MOV10L1: variants seen among roughly 807,000 people sequenced by gnomAD.
MOV10L1 encodes Mov10 like RNA helicase 1.
In MOV10L1, 110 loss-of-function variants were observed where a neutral mutation model predicts 143.8. The ratio of observed to expected loss-of-function variants is 0.76; its 90% CI spans 0.66 to 0.90. The LOEUF is 0.90. MOV10L1 is among the 40% of genes least tolerant of loss of function. The probability of loss-of-function intolerance (pLI) is 0.00; values close to 1 mark genes in which losing one functional copy is unlikely to be tolerated. For missense variants in MOV10L1, 1,406 were observed against 1,526.8 expected (o/e 0.92, Z 1.32); for synonymous variants, 593 against 581.1 (o/e 1.02, Z -0.29).
chr22:50,160,902 G>T, intron 25 of MOV10L1, 62 bp from the exon 26 acceptor site: 1 of 1,613,136 alleles, frequency 6.2e-7, no homozygotes. Context: ...AGACGTACGA[G>T]GCACCAGGAG....
At chr22:50,092,603 A>T (rs934915553) in intron 2 of MOV10L1, 1 of 167,804 alleles carries the variant, frequency 6.0e-6, no homozygotes, top group African/African-American at 2.4e-5. Context: ...GCACTACCAC[A>T]CTCCAGCCTG....
chr22:50,160,758 T>A lies in MOV10L1; in HGVS notation c.3395T>A (p.Phe1132Tyr). 1 of 1,614,124 alleles carries A rather than the reference T, an allele frequency of 6.2e-7. No individual in the cohort carries two copies. The highest frequency in any genetic ancestry group is 8.5e-7 in the Non-Finnish European group (1 of 1,180,008). ...FLGFLSNSKR[F>Y]NVAITRPKAL... ...GGTTTCTTGTCCAACTCAAAAAGAT[T>A]TAATGTTGCAATCACCAGACCCAAA... is the stretch of plus-strand genomic sequence containing the variant. Residue 1132 changes from phenylalanine to tyrosine, a missense_variant, in exon 25 of 27, where the codon TTT becomes TAT. Transcript: ENST00000262794.
At chr22:50,099,233 G>A (rs981115327) in intron 2 of MOV10L1, among the ~76,000 whole-genome samples, 1 of 152,218 alleles carries the variant, frequency 6.6e-6, no homozygotes, top group African/African-American at 2.4e-5. Context: ...ACATACCCCA[G>A]AGAACCCCTT....
chr22:50,117,328 A>C lies in MOV10L1; in HGVS notation c.1431A>C (p.Thr477=). The change falls in exon 9 of 27, where the codon ACA becomes ACC. Residue 477 remains threonine, a synonymous_variant. Transcript: ENST00000262794. ...SSQALTSAKT[T]VVVTAQKRNS... is the part of the protein sequence containing the mutation. ...AAGCGTTAACATCCGCAAAAACTAC[A>C]GTTGTTGTGACCGCACAGAAAAGGT... 6.2e-7 allele frequency: 1 copy of C among 1,614,018 alleles called. No individual in the cohort carries two copies. Among genetic ancestry groups the C allele is most frequent in the Non-Finnish European group, 8.5e-7 (1 of 1,179,986 alleles).
At position 50,158,092 on chromosome 22, in the gene MOV10L1, G is replaced by A. The variant is rs1289724262; in HGVS notation, c.3102G>A (p.Trp1034Ter). The A allele has an allele frequency of 6.2e-7, 1 of 1,614,120 alleles. No individual in the cohort carries two copies. The highest frequency in any genetic ancestry group is 8.5e-7 in the Non-Finnish European group (1 of 1,180,006). Residue 1034 changes from tryptophan to a stop codon, truncating the protein, a stop_gained, in exon 23 of 27, where the codon TGG becomes TGA. Coordinates refer to ENST00000262794, the MANE Select transcript of MOV10L1 (RefSeq NM_018995.3). LOFTEE classifies it high-confidence loss of function. The surrounding 1 kb of genome is among the most constrained non-coding windows in gnomAD (Gnocchi z 5.0). ...CACGGGAGGGAAAAAGCCCATCGTGGTTCAACCCGGCCGAGGCCGTCCAGG... is the reference window on the plus strand; with the variant it reads ...CACGGGAGGGAAAAAGCCCATCGTGATTCAACCCGGCCGAGGCCGTCCAGG... Reference protein sequence around the residue: ...SEAREGKSPSWFNPAEAVQVL... With the variant: ...SEAREGKSPS
At chr22:50,128,375 T>A in intron 12 of MOV10L1, 41 bp from the exon 13 acceptor site, 1 of 1,128,360 alleles carries the variant, frequency 8.9e-7, no homozygotes, top group South Asian at 1.3e-5. Flanking sequence ...AGATATCACA[T>A]TATTTCAAGA....
In MOV10L1 at chr22:50,156,640, C is replaced by T. The variant is rs114400858; in HGVS notation, c.3067-1417C>T. On this transcript the variant is annotated intron_variant, in intron 22 of 26. Coordinates refer to ENST00000262794, the MANE Select transcript of MOV10L1 (RefSeq NM_018995.3). ...CATGGAGTGTTTGTCCTTCTGTGACCGGCTTATTGCACTGAGCATCATGTC... is the reference window on the plus strand; with the variant it reads ...CATGGAGTGTTTGTCCTTCTGTGACTGGCTTATTGCACTGAGCATCATGTC... 4.4e-3 allele frequency among the ~76,000 whole-genome samples: 675 copies of T among 152,188 alleles called. 8 individuals are homozygous for T. Among genetic ancestry groups the T allele is most frequent in the African/African-American group, 0.015 (634 of 41,506 alleles).
At chr22:50,102,232 T>C (rs1470205685) in intron 3 of MOV10L1, among the ~76,000 whole-genome samples, 1 of 152,170 alleles carries the variant, frequency 6.6e-6, no homozygotes, top group Admixed American at 6.5e-5. Flanking sequence ...CAAAAGAACT[T>C]TTTTGAAAGA....
Position 50,120,519 on chromosome 22 carries a change from T to C in MOV10L1, c.1472T>C (p.Leu491Pro). ...TAQKRNSRRQ[L>P]PSFLPQYPIP... ...TTTTTAAGGAACTCAAGACGACAACTTCCAAGTTTTCTTCCCCAATATCCA... is the reference window on the plus strand; with the variant it reads ...TTTTTAAGGAACTCAAGACGACAACCTCCAAGTTTTCTTCCCCAATATCCA... The change falls in exon 10 of 27, where the codon CTT becomes CCT. Residue 491 changes from leucine (L) to proline (P), a missense_variant. By Grantham distance (98) the Leu-to-Pro change is moderately conservative (BLOSUM62 -3). Coordinates refer to ENST00000262794, the MANE Select transcript of MOV10L1 (RefSeq NM_018995.3). The C allele has an allele frequency of 1.9e-6, 3 of 1,611,240 alleles. No individual in the cohort carries two copies. Among genetic ancestry groups the C allele is most frequent in the Non-Finnish European group, 1.7e-6 (2 of 1,178,570 alleles).
intron 3 of MOV10L1, among the ~76,000 whole-genome samples, chr22:50,101,396 T>G (rs945526022): frequency 3.9e-5 from 6 of 151,978 alleles, no homozygotes; most frequent in Non-Finnish European, 8.8e-5. Flanking sequence ...TTTGTATTTT[T>G]AGTAGAGACG....
intron 13 of MOV10L1, among the ~76,000 whole-genome samples, chr22:50,131,062 AATT>A (rs2062661746): frequency 1.2e-5 from 1 of 85,234 alleles, no homozygotes. Flanking sequence ...ACGCCCGGCT[AATT>A]TTTTTTTTTT....
chr22:50,134,663 G>A (rs756624600), intron 15 of MOV10L1, 33 bp downstream of exon 15: 1 of 1,591,692 alleles, frequency 6.3e-7, no homozygotes, highest in Non-Finnish European at 8.6e-7. Context: ...TCTCTACACA[G>A]GGGATGGCTC....
chr22:50,090,586 C>T (rs2062406342), intron 1 of MOV10L1: 3 of 1,530,450 alleles, frequency 2.0e-6, no homozygotes, highest in Non-Finnish European at 2.7e-6. Flanking sequence ...TGCGCCAAGG[C>T]GTGCCATTTC....
rs762388875 is a variant in MOV10L1, at chr22:50,160,845, G to A, written c.3462+20G>A. On this transcript the variant is annotated intron_variant, in intron 25 of 26. Transcript: ENST00000262794. ...GTTCGAGTGAGTTTTCAGGCACTGG[G>A]TGGGCTGTGATCACTTAAGGAGGGA... 1.2e-6 allele frequency: 2 copies of A among 1,613,934 alleles called. No homozygotes were observed. Among genetic ancestry groups the A allele is most frequent in the Non-Finnish European group, 1.7e-6 (2 of 1,179,868 alleles).
At chr22:50,145,880 G>C (rs2063139473) in intron 19 of MOV10L1, 70 bp downstream of exon 19, 1 of 1,594,176 alleles carries the variant, frequency 6.3e-7, no homozygotes, top group African/African-American at 1.3e-5. Flanking sequence ...CCTAGCTTCT[G>C]TCTGAGGGGC....
chr22:50,161,274 T>A, intron 26 of MOV10L1, 94 bp from the exon 27 acceptor site: 2 of 1,129,614 alleles, frequency 1.8e-6, no homozygotes, highest in Non-Finnish European at 2.5e-6. Flanking sequence ...GTAAACTAAG[T>A]CCCCTTGTAA....
intron 19 of MOV10L1, among the ~76,000 whole-genome samples, chr22:50,148,745 G>A (rs550816872): frequency 2.0e-5 from 3 of 151,172 alleles, no homozygotes; most frequent in Non-Finnish European, 2.9e-5. Flanking sequence ...CTCACTGCAA[G>A]CTCCGCCTCC....
chr22:50,137,082 A>T (rs941000099), intron 15 of MOV10L1, among the ~76,000 whole-genome samples: 9 of 152,340 alleles, frequency 5.9e-5, no homozygotes, highest in Non-Finnish European at 1.2e-4. Context: ...GAATATTTAT[A>T]GGAATATAAA....
intron 13 of MOV10L1, among the ~76,000 whole-genome samples, chr22:50,131,632 A>T (rs1285697932): frequency 6.6e-6 from 1 of 152,140 alleles, no homozygotes; most frequent in Non-Finnish European, 1.5e-5. Context: ...TATGAATGGA[A>T]ATTGGAGGGT....
Sources: gnomAD v4.1 joint callset for allele counts (sites outside exome capture counted in the v4.1 genomes callset) on GRCh38, gnomAD v4.1.1 for gene constraint, Gnocchi (gnomAD v3.1) non-coding constraint, MANE v1.5 for transcripts, NCBI Gene and HGNC (gene_info 2026-07-23, HGNC 2026-07-21) for gene names.